The following FCHSD2 variants were observed in gnomAD, a reference collection of about 807,000 sequenced individuals.
The protein encoded by FCHSD2 is FCH and double SH3 domains 2.
FCHSD2 carries 38 observed loss-of-function variants against 108.1 expected under a neutral mutation model. The observed-to-expected ratio is 0.35, with a 90% confidence interval of 0.27 to 0.46. FCHSD2 has a LOEUF of 0.46. Among genes scored for constraint, FCHSD2 ranks in the 20% least tolerant of loss-of-function variants. FCHSD2 has a pLI of 1.00. For synonymous variants in FCHSD2, 279 were observed against 314.7 expected, an observed-to-expected ratio of 0.89 and a Z score of 1.20; for missense variants, 751 against 897.8, an observed-to-expected ratio of 0.84 and a Z score of 2.09.
chr11:72,907,814 C>T (rs369033928), intron 9 of FCHSD2, among the ~76,000 whole-genome samples: 16 of 151,860 alleles, frequency 1.1e-4, no homozygotes, highest in African/African-American at 3.6e-4. Flanking sequence ...AGGATGGTCT[C>T]GATCTCCTGA....
intron 17 of FCHSD2, 90 bp from the exon 18 acceptor site, chr11:72,841,673 T>TA: frequency 7.6e-7 from 1 of 1,314,270 alleles, no homozygotes; most frequent in East Asian, 2.6e-5. Flanking sequence ...TCATGCCTTT[T>TA]CTCTAAAGCT....
intron 2 of FCHSD2, among the ~76,000 whole-genome samples, chr11:73,115,428 A>T (rs1325839723): frequency 6.6e-6 from 1 of 152,194 alleles, no homozygotes; most frequent in African/African-American, 2.4e-5. Flanking sequence ...TTGGCCTCCC[A>T]AAGTGCTGTG....
At chr11:72,963,063 TAC>T (rs1461510369) in intron 8 of FCHSD2, among the ~76,000 whole-genome samples, 1 of 152,160 alleles carries the variant, frequency 6.6e-6, no homozygotes, top group Non-Finnish European at 1.5e-5. Context: ...TAGCACCTAC[TAC>T]AGAGAGTTGG....
Position 72,856,121 on chromosome 11 carries a change from A to G in FCHSD2, c.1309-6232T>C, listed in dbSNP as rs182862047. On this transcript the variant is annotated intron_variant, in intron 13 of 19. Transcript: ENST00000409418. ...AGGAGAGCCATTACATTAATTAATT[A>G]AAGTATCAAATATCTACTGTATGTA... Among the ~76,000 whole-genome samples the G allele has an allele frequency of 5.9e-5, 9 of 152,346 alleles. No individual in the cohort carries two copies. The East Asian group carries it at 1.7e-3, about 29-fold the overall frequency.
At chr11:73,011,381 C>T (rs569735489) in intron 4 of FCHSD2, among the ~76,000 whole-genome samples, 2 of 152,244 alleles carry the variant, frequency 1.3e-5, no homozygotes, top group African/African-American at 4.8e-5. Context: ...ATGTGCACCA[C>T]CTAGGCTAGC....
At chr11:72,980,303 C>T (rs1857188453) in intron 8 of FCHSD2, among the ~76,000 whole-genome samples, 1 of 152,160 alleles carries the variant, frequency 6.6e-6, no homozygotes, top group Non-Finnish European at 1.5e-5. Context: ...AACTGCTGCA[C>T]TGGTTTCTCT....
At chr11:73,099,577 T>C (rs1284839849) in intron 2 of FCHSD2, among the ~76,000 whole-genome samples, 1 of 152,100 alleles carries the variant, frequency 6.6e-6, no homozygotes, top group Non-Finnish European at 1.5e-5. Context: ...AATGGATAAA[T>C]AAAATGTGGT....
chr11:73,094,926 C>G (rs1040585256), intron 2 of FCHSD2, among the ~76,000 whole-genome samples: 2 of 152,128 alleles, frequency 1.3e-5, no homozygotes, highest in African/African-American at 4.8e-5. Flanking sequence ...TGGCAGAAAG[C>G]AAATTATTTG....
intron 3 of FCHSD2, among the ~76,000 whole-genome samples, chr11:73,057,553 G>C (rs1281096335): frequency 2.6e-5 from 4 of 152,116 alleles, no homozygotes; most frequent in Non-Finnish European, 4.4e-5. Context: ...GGAAGGGAGG[G>C]AGGGAGGAGA....
chr11:72,979,024 A>AT (rs1212624638), intron 8 of FCHSD2, among the ~76,000 whole-genome samples: 1 of 151,740 alleles, frequency 6.6e-6, no homozygotes, highest in Non-Finnish European at 1.5e-5. Context: ...CACACAGCTA[A>AT]TTTTTTGTAT....
intron 2 of FCHSD2, among the ~76,000 whole-genome samples, chr11:73,096,377 CAAAAAAA>C (rs767268719): frequency 1.2e-4 from 8 of 68,360 alleles, no homozygotes; most frequent in Non-Finnish European, 2.2e-4. Flanking sequence ...CCTGCCTCTA[CAAAAAAA>C]AAAAAAAAAA....
chr11:73,059,417 G>T (rs1470749036), intron 3 of FCHSD2, among the ~76,000 whole-genome samples: 1 of 152,128 alleles, frequency 6.6e-6, no homozygotes, highest in African/African-American at 2.4e-5. Context: ...AAAACATTGT[G>T]TCAGATAAGT....
At chr11:72,979,007 G>T (rs1409860912) in intron 8 of FCHSD2, among the ~76,000 whole-genome samples, 1 of 151,942 alleles carries the variant, frequency 6.6e-6, no homozygotes, top group Non-Finnish European at 1.5e-5. Flanking sequence ...ACAAGTGCAT[G>T]CCTCCACACA....
chr11:73,039,455 T>C (rs1455643419), intron 3 of FCHSD2, among the ~76,000 whole-genome samples: 3 of 150,428 alleles, frequency 2.0e-5, no homozygotes, highest in Admixed American at 6.7e-5. Context: ...GAGATGGAGG[T>C]AGCAGTGAGC....
At chr11:73,040,768 ATAT>A (rs1477043938) in intron 3 of FCHSD2, among the ~76,000 whole-genome samples, 1 of 152,230 alleles carries the variant, frequency 6.6e-6, no homozygotes, top group Non-Finnish European at 1.5e-5. Flanking sequence ...TTTGAAAGAC[ATAT>A]TGTTGTTGAT....
intron 3 of FCHSD2, among the ~76,000 whole-genome samples, chr11:73,072,019 AG>A (rs1337793241): frequency 4.6e-5 from 7 of 152,060 alleles, no homozygotes; most frequent in Non-Finnish European, 1.0e-4. Flanking sequence ...CGGTCAGGGC[AG>A]GGGACTCAAA....
At chr11:72,849,082 G>A (rs993653722) in intron 14 of FCHSD2, among the ~76,000 whole-genome samples, 2 of 152,136 alleles carry the variant, frequency 1.3e-5, no homozygotes, top group African/African-American at 2.4e-5. Context: ...GGGATGTGGC[G>A]GAGGAGTGAA....
chr11:73,060,493 C>T (rs1859135021), intron 3 of FCHSD2, among the ~76,000 whole-genome samples: 1 of 152,090 alleles, frequency 6.6e-6, no homozygotes, highest in Non-Finnish European at 1.5e-5. Context: ...GAACACATTA[C>T]AGTGAGAAAG....
chr11:72,989,199 C>T (rs755828262), intron 5 of FCHSD2, 102 bp from the exon 6 acceptor site: 20 of 882,406 alleles, frequency 2.3e-5, no homozygotes, highest in Non-Finnish European at 3.3e-5. Flanking sequence ...GATGGAAATC[C>T]AGGGGAAAAG....
Sources: allele counts gnomAD v4.1 joint callset (sites outside exome capture counted in the v4.1 genomes callset), GRCh38; gene constraint gnomAD v4.1.1; transcripts MANE v1.5; gene names NCBI Gene and HGNC (gene_info 2026-07-23, HGNC 2026-07-21).